Variants in ADGRB3 observed in about 807,000 individuals in gnomAD.
ADGRB3 encodes the protein adhesion G protein-coupled receptor B3, also known as brain-specific angiogenesis inhibitor 3.
A neutral mutation model predicts 193.4 loss-of-function variants in ADGRB3; 37 were observed. The ratio of observed to expected loss-of-function variants is 0.19; its 90% CI spans 0.15 to 0.25. The LOEUF (loss-of-function observed/expected upper bound fraction) is 0.25. ADGRB3 is among the 10% of genes least tolerant of loss of function. The pLI is 1.00. For missense variants in ADGRB3, 1,637 were observed against 1,852.9 expected (o/e 0.88, Z 2.14); for synonymous variants, 690 against 644.2 (o/e 1.07, Z -1.08).
chr6:68,956,209 A>G (rs1768066655), intron 7 of ADGRB3, 21 bp downstream of exon 7: 3 of 1,591,154 alleles, frequency 1.9e-6, no homozygotes, highest in Non-Finnish European at 2.6e-6. Flanking sequence ...ATTCCTGCAT[A>G]TCATGGGCAC....
intron 17 of ADGRB3, among the ~76,000 whole-genome samples, chr6:69,091,117 A>G (rs1378576287): frequency 6.6e-6 from 1 of 152,200 alleles, no homozygotes; most frequent in African/African-American, 2.4e-5. Flanking sequence ...CAGAATGGCT[A>G]TTACTAAAAA....
intron 4 of ADGRB3, among the ~76,000 whole-genome samples, chr6:68,934,613 C>T (rs1158844423): frequency 6.6e-6 from 1 of 152,112 alleles, no homozygotes; most frequent in East Asian, 1.9e-4. Flanking sequence ...ATTTATACCT[C>T]ACTTAATCTC....
intron 17 of ADGRB3, among the ~76,000 whole-genome samples, chr6:69,086,674 G>T (rs1196162687): frequency 1.3e-5 from 2 of 152,004 alleles, no homozygotes; most frequent in Non-Finnish European, 2.9e-5. Context: ...AATGAAGAAA[G>T]ATTTCTAAAA....
chr6:69,224,489 A>G (rs1582558337), intron 17 of ADGRB3, among the ~76,000 whole-genome samples: 1 of 152,306 alleles, frequency 6.6e-6, no homozygotes, highest in East Asian at 1.9e-4. Flanking sequence ...AGAATGAATT[A>G]TTTTATGGCT....
At chr6:69,127,157 A>T (rs2150332558) in intron 17 of ADGRB3, among the ~76,000 whole-genome samples, 1 of 152,328 alleles carries the variant, frequency 6.6e-6, no homozygotes, top group South Asian at 2.1e-4. Context: ...AACAATGAAG[A>T]TTAGCATCCA....
chr6:68,655,362 A>G (rs1294630192), intron 3 of ADGRB3, among the ~76,000 whole-genome samples: 2 of 151,564 alleles, frequency 1.3e-5, no homozygotes, highest in East Asian at 1.9e-4. Context: ...AATAATTGGA[A>G]GACTGAATGA....
rs1772762012 is a variant in ADGRB3, at chr6:69,093,052, T to TGGGCAGCCTAGTTTCAGTGGACTGAGGA, written c.2480+17017_2480+17044dup. On this transcript the variant is annotated intron_variant, in intron 17 of 31. Coordinates refer to ENST00000370598, the MANE Select transcript of ADGRB3 (RefSeq NM_001704.3). ...CAGCCTAGGTTCAGTGGAGGAGGGG[T>TGGGCAGCCTAGTTTCAGTGGACTGAGGA]GGGCAGCCTAGTTTCAGTGGACTGA... Among the ~76,000 whole-genome samples, 4 of 149,500 alleles carry TGGGCAGCCTAGTTTCAGTGGACTGAGGA rather than the reference T, an allele frequency of 2.7e-5. No homozygotes were observed. In the South Asian group the frequency reaches 8.7e-4, roughly 32 times the overall value.
intron 3 of ADGRB3, among the ~76,000 whole-genome samples, chr6:68,922,418 G>A (rs574366263): frequency 6.6e-6 from 1 of 152,200 alleles, no homozygotes; most frequent in Non-Finnish European, 1.5e-5. Flanking sequence ...ATGCTTAGAT[G>A]TGGATCGAAA....
chr6:69,334,449 C>T (rs1768798416), intron 24 of ADGRB3, among the ~76,000 whole-genome samples: 1 of 152,188 alleles, frequency 6.6e-6, no homozygotes, highest in African/African-American at 2.4e-5. Flanking sequence ...GTAATAAAAA[C>T]ATGACTGAAA....
chr6:68,783,204 G>A (rs115404576), intron 3 of ADGRB3, among the ~76,000 whole-genome samples: 3,623 of 150,276 alleles, frequency 0.024, 137 homozygotes, highest in African/African-American at 0.081. Flanking sequence ...TAGTGCCCAC[G>A]GTGACAAGGT....
At chr6:68,804,638 T>C (rs1767370559) in intron 3 of ADGRB3, among the ~76,000 whole-genome samples, 7 of 152,288 alleles carry the variant, frequency 4.6e-5, no homozygotes, top group Admixed American at 2.6e-4. Context: ...TATTTCTCTA[T>C]CATGTGAACC....
chr6:68,927,633 T>C (rs1199545513), intron 3 of ADGRB3, among the ~76,000 whole-genome samples: 1 of 152,100 alleles, frequency 6.6e-6, no homozygotes, highest in Admixed American at 6.6e-5. Flanking sequence ...ACGTAAACTT[T>C]GGCAGAAGAA....
intron 3 of ADGRB3, among the ~76,000 whole-genome samples, chr6:68,661,538 CATATATATATATATATATATAT>C (rs66836065): frequency 7.6e-5 from 7 of 91,830 alleles, no homozygotes; most frequent in Non-Finnish European, 1.6e-4. Flanking sequence ...TATGTGTATA[CATATATATATATATATATATAT>C]ATATATATAT....
rs528826604 is a variant in ADGRB3 at position 68,772,210 on chromosome 6, A to T, written c.757+132778A>T. Among the ~76,000 whole-genome samples, 98 of 152,200 alleles carry T rather than the reference A, an allele frequency of 6.4e-4. 1 individual carries two copies. Among genetic ancestry groups the T allele is most frequent in the Non-Finnish European group, 3.4e-4 (23 of 68,004 alleles). ...GATGCAAAACTGAAAAGGCCTAGCA[A>T]TTGATTGGGTGCACAAGGAAAGGTA... is the stretch of plus-strand genomic sequence containing the variant. On this transcript the variant is annotated intron_variant, in intron 3 of 31. Transcript: ENST00000370598.
intron 31 of ADGRB3, among the ~76,000 whole-genome samples, chr6:69,385,529 A>C (rs1393626330): frequency 6.6e-6 from 1 of 152,084 alleles, no homozygotes; most frequent in Non-Finnish European, 1.5e-5. Flanking sequence ...GCTTAAGACC[A>C]AATTAGCATT....
At chr6:68,947,537 T>G (rs1362032782) in intron 6 of ADGRB3, among the ~76,000 whole-genome samples, 1 of 152,156 alleles carries the variant, frequency 6.6e-6, no homozygotes, top group Non-Finnish European at 1.5e-5. Flanking sequence ...TCCCAAAATT[T>G]AAAGGACATT....
intron 17 of ADGRB3, among the ~76,000 whole-genome samples, chr6:69,208,026 G>A (rs558109820): frequency 5.5e-4 from 84 of 152,328 alleles, no homozygotes; most frequent in South Asian, 1.2e-3. Flanking sequence ...AGGGCTCGGC[G>A]TTGGTCTCTG....
intron 8 of ADGRB3, among the ~76,000 whole-genome samples, 191 bp from the exon 9 acceptor site, chr6:68,974,572 G>A (rs1768684368): frequency 1.3e-5 from 2 of 151,964 alleles, no homozygotes; most frequent in African/African-American, 4.8e-5. Flanking sequence ...GTTTGCGGCT[G>A]CACAGTGAGC....
At chr6:68,689,133 A>G (rs1410181694) in intron 3 of ADGRB3, among the ~76,000 whole-genome samples, 1 of 152,172 alleles carries the variant, frequency 6.6e-6, no homozygotes, top group African/African-American at 2.4e-5. Flanking sequence ...TGCCCAAGGA[A>G]AAGCAACAGT....
Sources: gnomAD v4.1 joint callset for allele counts (sites outside exome capture counted in the v4.1 genomes callset) on GRCh38, gnomAD v4.1.1 for gene constraint, MANE v1.5 for transcripts, NCBI Gene and HGNC (gene_info 2026-07-23, HGNC 2026-07-21) for gene names.